The following FCF1 variants were observed in gnomAD, a reference collection of about 807,000 sequenced individuals.
The protein encoded by FCF1 is rRNA-processing protein FCF1 homolog.
FCF1 carries 17 observed loss-of-function variants against 32.5 expected under a neutral mutation model. The observed-to-expected ratio is 0.52, with a 90% confidence interval of 0.36 to 0.78. The LOEUF (loss-of-function observed/expected upper bound fraction) is 0.78. Ranked by LOEUF, FCF1 falls within the 30% of genes least tolerant of loss-of-function variation. The pLI is 0.00. For missense variants in FCF1, 201 were observed against 241.1 expected (o/e 0.83, Z 1.10); for synonymous variants, 84 against 78.4 (o/e 1.07, Z -0.38).
At chr14:74,715,856 C>T (rs550350687) in intron 3 of FCF1, 95 bp from the exon 4 acceptor site, 1 of 1,610,030 alleles carries the variant, frequency 6.2e-7, no homozygotes, top group African/African-American at 1.3e-5. Flanking sequence ...AAAGAGTTTA[C>T]AGCAAACAGT....
chr14:74,726,368 T>G (rs573303393), intron 5 of FCF1, among the ~76,000 whole-genome samples: 32 of 152,018 alleles, frequency 2.1e-4, no homozygotes, highest in Non-Finnish European at 4.4e-4. Context: ...GTACTTGTAT[T>G]CCCAGCTACT....
chr14:74,723,698 G>C (rs924915564), intron 5 of FCF1, among the ~76,000 whole-genome samples: 6 of 151,862 alleles, frequency 4.0e-5, no homozygotes, highest in Non-Finnish European at 5.9e-5. Flanking sequence ...TGTGGTGGCA[G>C]GTGCCTGTAA....
intron 5 of FCF1, among the ~76,000 whole-genome samples, chr14:74,725,557 G>C (rs2090565999): frequency 6.6e-6 from 1 of 151,116 alleles, no homozygotes; most frequent in Non-Finnish European, 1.5e-5. Flanking sequence ...GTGAGGCCAA[G>C]TGGGGAGGAT....
At chr14:74,721,161 C>T (rs1361652424) in intron 4 of FCF1, among the ~76,000 whole-genome samples, 7 of 151,962 alleles carry the variant, frequency 4.6e-5, no homozygotes, top group Admixed American at 2.0e-4. Flanking sequence ...TCTCCTGCCT[C>T]AGCCTCCTGA....
At chr14:74,715,360 T>G (rs1275192158) in intron 3 of FCF1, among the ~76,000 whole-genome samples, 4 of 152,190 alleles carry the variant, frequency 2.6e-5, no homozygotes, top group Non-Finnish European at 5.9e-5. Flanking sequence ...GTAAGTACAT[T>G]TAACTTTATG....
At chr14:74,718,428 T>A (rs1281267037) in intron 4 of FCF1, among the ~76,000 whole-genome samples, 3 of 152,126 alleles carry the variant, frequency 2.0e-5, no homozygotes, top group Admixed American at 2.0e-4. Context: ...GCTCTGAAAT[T>A]GGTCCTCTTA....
At chr14:74,727,009 T>A (rs1424092881) in intron 5 of FCF1, among the ~76,000 whole-genome samples, 2 of 152,044 alleles carry the variant, frequency 1.3e-5, no homozygotes, top group Non-Finnish European at 2.9e-5. Flanking sequence ...TCTATCATTG[T>A]TGGACATTTG....
At chr14:74,726,146 A>T (rs1016866377) in intron 5 of FCF1, among the ~76,000 whole-genome samples, 2 of 151,892 alleles carry the variant, frequency 1.3e-5, no homozygotes, top group African/African-American at 4.8e-5. Flanking sequence ...AACTAGAGTT[A>T]TGCGCCAATG....
intron 5 of FCF1, among the ~76,000 whole-genome samples, chr14:74,730,947 G>C (rs1474620993): frequency 2.2e-4 from 33 of 152,094 alleles, no homozygotes; most frequent in Non-Finnish European, 5.9e-5. Flanking sequence ...GCAGTGAGCT[G>C]GGATTGTGCC....
In FCF1 at chr14:74,734,895, C is replaced by T. The variant is rs760799975; in HGVS notation, c.562C>T (p.Arg188Trp). The T allele has an allele frequency of 9.3e-6, 15 of 1,613,538 alleles. No individual in the cohort carries two copies. Among genetic ancestry groups the T allele is most frequent in the Non-Finnish European group, 4.2e-6 (5 of 1,179,696 alleles). Residue 188 changes from arginine to tryptophan, a missense_variant, in exon 8 of 8, where the codon CGG (arginine) becomes TGG (tryptophan). This residue lies in a region of FCF1 where 121 missense variants were observed against 147.8 expected (regional missense o/e 0.82). Transcript: ENST00000341162. ...TGTCCTGATCAGATACAACATTGAA[C>T]GGATGCCAGATGATTATGGAGCCCC... ...YISNHRYNIE[R>W]MPDDYGAPRF
At chr14:74,720,096 C>A (rs113397519) in intron 4 of FCF1, among the ~76,000 whole-genome samples, 1 of 151,966 alleles carries the variant, frequency 6.6e-6, no homozygotes, top group Non-Finnish European at 1.5e-5. Flanking sequence ...GAGCCAAGAT[C>A]GTGCCATTGC....
In FCF1 at chr14:74,713,639, G is replaced by A. The variant is rs1489204738; in HGVS notation, c.71+87G>A. 14 of 1,220,780 alleles carry A rather than the reference G, an allele frequency of 1.1e-5. No individual in the cohort carries two copies. The East Asian group carries it at 2.5e-4, about 21-fold the overall frequency. 75.6% of individuals were successfully genotyped at this position (1,220,780 alleles called of 1,614,324 possible). On this transcript the variant is annotated intron_variant, in intron 2 of 7. Transcript: ENST00000341162. The stretch of plus-strand genomic sequence containing the variant: ...TAAAAATGTTTGTTGTTATTATTTT[G>A]TTTTTTGCTTATTATCGTGTCTTAG...
At chr14:74,725,341 A>G (rs950542586) in intron 5 of FCF1, among the ~76,000 whole-genome samples, 1 of 151,706 alleles carries the variant, frequency 6.6e-6, no homozygotes, top group Non-Finnish European at 1.5e-5. Context: ...TTAGCCAGGC[A>G]TGGTGGCGGG....
At chr14:74,734,361 A>G (rs563576974) in intron 7 of FCF1, among the ~76,000 whole-genome samples, 191 bp downstream of exon 7, 1 of 142,600 alleles carries the variant, frequency 7.0e-6, no homozygotes, top group African/African-American at 2.6e-5. Flanking sequence ...GGAATGAGGC[A>G]AACATTTAAA....
intron 1 of FCF1, 111 bp from the exon 2 acceptor site, chr14:74,713,374 G>A: frequency 8.4e-6 from 13 of 1,545,054 alleles, no homozygotes; most frequent in Non-Finnish European, 1.2e-5. Flanking sequence ...TGGGGAAGAG[G>A]GTCTGGGTTA....
intron 4 of FCF1, among the ~76,000 whole-genome samples, chr14:74,721,044 ATTTT>A (rs750216386): frequency 8.3e-6 from 1 of 120,948 alleles, no homozygotes; most frequent in Non-Finnish European, 1.8e-5. Flanking sequence ...CACCCACCTA[ATTTT>A]TTTTTTTTTT....
At chr14:74,715,029 ATTTGTT>A in intron 3 of FCF1, 86 bp downstream of exon 3, 1 of 1,343,962 alleles carries the variant, frequency 7.4e-7, no homozygotes, top group Non-Finnish European at 1.0e-6. Context: ...TTGCTAACTT[ATTTGTT>A]AGTAAGTCTA....
chr14:74,738,086 T>A lies in FCF1; in HGVS notation c.*3156T>A, dbSNP rs1347301801. 6.6e-6 allele frequency: 1 copy of A among 151,930 alleles called. No individual in the cohort carries two copies. The highest frequency in any genetic ancestry group is 1.5e-5 in the Non-Finnish European group (1 of 67,980). The allele number at this position is 151,930 out of a possible 1,614,324, so 9.4% of individuals were successfully genotyped here. On this transcript the variant is annotated 3_prime_UTR_variant, in exon 8 of 8. Transcript: ENST00000341162. The stretch of plus-strand genomic sequence containing the variant: ...TTCAAGTGGATCAAAGACCTAAATT[T>A]TTTTTTTTTTTGAGACAGTTTCTCA...
rs767581744 is a variant in FCF1, at chr14:74,734,891, T to G, written c.558T>G (p.Ile186Met). 3.5e-5 allele frequency: 56 copies of G among 1,613,792 alleles called. No individual in the cohort carries two copies. The highest frequency in any genetic ancestry group is 6.7e-5 in the African/African-American group (5 of 74,908). Residue 186 changes from isoleucine to methionine, a missense_variant, in exon 8 of 8, where the codon ATT (isoleucine) becomes ATG (methionine). Coordinates refer to ENST00000341162, the MANE Select transcript of FCF1 (RefSeq NM_015962.5). The part of the protein sequence containing the change: ...IMYISNHRYN[I>M]ERMPDDYGAP... ...TTTTTGTCCTGATCAGATACAACATTGAACGGATGCCAGATGATTATGGAG... is the reference window on the plus strand; with the variant it reads ...TTTTTGTCCTGATCAGATACAACATGGAACGGATGCCAGATGATTATGGAG...
Sources: allele counts gnomAD v4.1 joint callset (sites outside exome capture counted in the v4.1 genomes callset), GRCh38; gene constraint gnomAD v4.1.1; regional missense constraint gnomAD v4.1.1; transcripts MANE v1.5; gene names NCBI Gene and HGNC (gene_info 2026-07-23, HGNC 2026-07-21).